The following SLC39A11 variants were observed in gnomAD, a reference collection of about 807,000 sequenced individuals.
SLC39A11 encodes zinc transporter ZIP11.
SLC39A11 carries 33 observed loss-of-function variants against 36.1 expected under a neutral mutation model. The ratio of observed to expected loss-of-function variants is 0.91; its 90% CI spans 0.69 to 1.22. The LOEUF (loss-of-function observed/expected upper bound fraction) is 1.22, where lower values mean the gene tolerates loss of function less well. Among genes scored for constraint, SLC39A11 ranks in the 50% most tolerant of loss-of-function variants. The pLI, the probability that SLC39A11 is intolerant of heterozygous loss-of-function variation, is 0.00. For synonymous variants in SLC39A11, 166 were observed against 170.3 expected (o/e 0.97, Z 0.20); for missense variants, 432 against 430.3 (o/e 1.00, Z -0.03).
At chr17:73,037,118 C>T (rs1395604821) in intron 3 of SLC39A11, among the ~76,000 whole-genome samples, 1 of 152,178 alleles carries the variant, frequency 6.6e-6, no homozygotes, top group East Asian at 1.9e-4. Flanking sequence ...CACAGTTTAT[C>T]TGTTCACCTA....
intron 4 of SLC39A11, among the ~76,000 whole-genome samples, chr17:72,980,227 C>T (rs932488444): frequency 1.3e-5 from 2 of 152,020 alleles, no homozygotes; most frequent in African/African-American, 4.8e-5. Context: ...TGGCTCAAGA[C>T]AAAATCAATA....
chr17:72,748,498 C>A (rs1366519127), intron 6 of SLC39A11, among the ~76,000 whole-genome samples: 1 of 152,156 alleles, frequency 6.6e-6, no homozygotes, highest in Non-Finnish European at 1.5e-5. Context: ...TCCCTCTGAA[C>A]AGTGACAGAC....
Position 72,832,098 on chromosome 17 carries a change from G to A in SLC39A11, c.601+17536C>T, listed in dbSNP as rs75728233. On this transcript the variant is annotated intron_variant, in intron 6 of 9. Coordinates refer to ENST00000255559, the MANE Select transcript of SLC39A11 (RefSeq NM_139177.4). ...AAGACAAAATGAAATGGGATCGAGCGTATAATCCCTGTGGCTACTAACTAC... is the reference window on the plus strand; with the variant it reads ...AAGACAAAATGAAATGGGATCGAGCATATAATCCCTGTGGCTACTAACTAC... Among the ~76,000 whole-genome samples, 69 of 152,298 alleles carry A rather than the reference G, an allele frequency of 4.5e-4. 1 individual carries two copies. Among genetic ancestry groups the A allele is most frequent in the African/African-American group, 1.6e-3 (67 of 41,550 alleles).
intron 5 of SLC39A11, among the ~76,000 whole-genome samples, chr17:72,931,726 C>T (rs76755435): frequency 0.034 from 5,239 of 152,348 alleles, 134 homozygotes; most frequent in Non-Finnish European, 0.05. Flanking sequence ...TCTGTAACTT[C>T]CCTGACCACT....
intron 3 of SLC39A11, among the ~76,000 whole-genome samples, chr17:73,076,573 G>A (rs913057278): frequency 5.9e-5 from 9 of 152,016 alleles, no homozygotes; most frequent in South Asian, 4.1e-4. Context: ...ATGGGACCCC[G>A]GTCAACTATC....
chr17:73,004,041 G>A (rs1001391048), intron 4 of SLC39A11, among the ~76,000 whole-genome samples: 4 of 150,944 alleles, frequency 2.6e-5, no homozygotes, highest in Admixed American at 6.6e-5. Flanking sequence ...AGCCAAGATC[G>A]CACCACTGCC....
chr17:72,883,262 G>A (rs1363190954), intron 5 of SLC39A11, among the ~76,000 whole-genome samples: 1 of 152,156 alleles, frequency 6.6e-6, no homozygotes, highest in African/African-American at 2.4e-5. Context: ...TAACACATGT[G>A]CACTGGAGTC....
At chr17:72,805,495 G>A (rs2077220396) in intron 6 of SLC39A11, among the ~76,000 whole-genome samples, 1 of 152,184 alleles carries the variant, frequency 6.6e-6, no homozygotes, top group African/African-American at 2.4e-5. Flanking sequence ...TACAGTGCCC[G>A]ATCTTCTGTG....
At chr17:72,693,156 A>G (rs1478445387) in intron 7 of SLC39A11, among the ~76,000 whole-genome samples, 1 of 152,242 alleles carries the variant, frequency 6.6e-6, no homozygotes, top group Non-Finnish European at 1.5e-5. Context: ...GCAGCCTCCA[A>G]TCTAGGTCAA....
chr17:72,947,351 A>C (rs1160303905), intron 5 of SLC39A11, among the ~76,000 whole-genome samples: 1 of 152,074 alleles, frequency 6.6e-6, no homozygotes, highest in Non-Finnish European at 1.5e-5. Flanking sequence ...CTCCCCAGGT[A>C]AATCAAAAAG....
intron 5 of SLC39A11, among the ~76,000 whole-genome samples, chr17:72,936,823 C>T (rs1313443861): frequency 1.3e-5 from 2 of 152,140 alleles, no homozygotes; most frequent in African/African-American, 2.4e-5. Flanking sequence ...ATAAGGAAGG[C>T]GCGACCTAGA....
intron 5 of SLC39A11, among the ~76,000 whole-genome samples, chr17:72,885,321 G>C (rs1044503692): frequency 9.5e-6 from 1 of 105,636 alleles, no homozygotes; most frequent in African/African-American, 5.7e-5. Flanking sequence ...CATTGGTTCT[G>C]TGCAGCTGAG....
At chr17:72,673,115 GT>G (rs1396472801) in intron 7 of SLC39A11, among the ~76,000 whole-genome samples, 5 of 151,894 alleles carry the variant, frequency 3.3e-5, no homozygotes, top group African/African-American at 4.8e-5. Flanking sequence ...TGTTGTTGTG[GT>G]TTTTGAGACA....
intron 5 of SLC39A11, among the ~76,000 whole-genome samples, chr17:72,875,695 T>C (rs184394164): frequency 4.4e-4 from 67 of 152,302 alleles, no homozygotes; most frequent in Admixed American, 1.1e-3. Context: ...TTCGGAGTCA[T>C]TGTTTCTTTT....
intron 3 of SLC39A11, among the ~76,000 whole-genome samples, chr17:73,076,375 A>G (rs28564503): frequency 0.13 from 19,400 of 152,228 alleles, 1,292 homozygotes; most frequent in African/African-American, 0.14. Context: ...TAAAATACAC[A>G]TGTCCTCTGT....
intron 5 of SLC39A11, among the ~76,000 whole-genome samples, chr17:72,880,511 T>C (rs1348858244): frequency 2.0e-5 from 3 of 151,926 alleles, no homozygotes; most frequent in African/African-American, 7.3e-5. Flanking sequence ...AGGCAGAGGT[T>C]GCAATGAGCT....
chr17:72,933,139 T>C (rs923383570), intron 5 of SLC39A11, among the ~76,000 whole-genome samples: 1 of 152,182 alleles, frequency 6.6e-6, no homozygotes, highest in Non-Finnish European at 1.5e-5. Context: ...GAAAGGAAGA[T>C]ATAAAACTGT....
intron 6 of SLC39A11, among the ~76,000 whole-genome samples, chr17:72,743,257 T>C (rs2567470): frequency 0.85 from 128,740 of 152,144 alleles, 55,514 homozygotes; most frequent in African/African-American, 0.96. Flanking sequence ...AAGTGTCCTC[T>C]GCTGCCCAGT....
At chr17:72,966,421 A>T (rs917839616) in intron 4 of SLC39A11, among the ~76,000 whole-genome samples, 3 of 152,180 alleles carry the variant, frequency 2.0e-5, no homozygotes, top group Non-Finnish European at 4.4e-5. Flanking sequence ...GAAAGATGGG[A>T]ATGTTCTGGA....
Sources: allele counts gnomAD v4.1 joint callset (sites outside exome capture counted in the v4.1 genomes callset), GRCh38; gene constraint gnomAD v4.1.1; transcripts MANE v1.5; gene names NCBI Gene and HGNC (gene_info 2026-07-23, HGNC 2026-07-21).